PLXNA2: variants seen among roughly 807,000 people sequenced by gnomAD.
The protein encoded by PLXNA2 is plexin A2, also known as plexin-A2.
A neutral mutation model predicts 193.5 loss-of-function variants in PLXNA2; 91 were observed. That is an observed-to-expected ratio of 0.47 (90% CI 0.40 to 0.56). The LOEUF (loss-of-function observed/expected upper bound fraction) is 0.56, where lower values mean the gene tolerates loss of function less well. Among genes scored for constraint, PLXNA2 ranks in the 20% least tolerant of loss-of-function variants. The pLI, the probability that PLXNA2 is intolerant of heterozygous loss-of-function variation, is 0.00. For synonymous variants in PLXNA2, 997 were observed against 1,027.3 expected, an observed-to-expected ratio of 0.97 and a Z score of 0.56; for missense variants, 1,995 against 2,503.2, an observed-to-expected ratio of 0.80 and a Z score of 4.33.
chr1:208,028,894 C>A lies in PLXNA2; in HGVS notation c.5374G>T (p.Asp1792Tyr), dbSNP rs558936902. The A allele has an allele frequency of 1.9e-6, 3 of 1,614,124 alleles. No homozygotes were observed. The South Asian group carries it at 3.3e-5, about 18-fold the overall frequency. The change falls in exon 30 of 32, where the codon GAC (aspartate) becomes TAC (tyrosine). Residue 1792 changes from aspartate (D) to tyrosine (Y), a missense_variant. Transcript: ENST00000367033. The surrounding 1 kb of genome is among the most constrained non-coding windows in gnomAD (Gnocchi z 4.2). The stretch of plus-strand genomic sequence containing the variant: ...TAGAGCAGCTTGTTGGAGGGGGAGT[C>A]CTTGCCCAGCCGGTGCTCTGACGTT... ...CSTSEHRLGK[D>Y]SPSNKLLYAK...
At chr1:208,170,837 T>A (rs1669472889) in intron 3 of PLXNA2, among the ~76,000 whole-genome samples, 1 of 151,930 alleles carries the variant, frequency 6.6e-6, no homozygotes, top group Admixed American at 6.6e-5. Flanking sequence ...AGAAATAAAA[T>A]AAATAAAATA....
intron 3 of PLXNA2, among the ~76,000 whole-genome samples, chr1:208,184,185 C>T (rs765582200): frequency 9.2e-5 from 14 of 151,960 alleles, no homozygotes; most frequent in Admixed American, 6.6e-4. Context: ...GCTAACTGGC[C>T]CAGAGGATAG....
At chr1:208,079,177 A>T in intron 12 of PLXNA2, 83 bp downstream of exon 12, 1 of 1,186,436 alleles carries the variant, frequency 8.4e-7, no homozygotes, top group Non-Finnish European at 1.2e-6. Context: ...TTGTCCACAG[A>T]GTCTCAATTT....
At chr1:208,072,703 A>G (rs2986591) in intron 12 of PLXNA2, among the ~76,000 whole-genome samples, 145,434 of 152,292 alleles carry the variant, frequency 0.95, 69,802 homozygotes, top group East Asian at 1. Context: ...AAGGCAAGAA[A>G]TGACTGCCCC....
rs984609883 is a variant in PLXNA2, at chr1:208,028,683, C to G, written c.5438+147G>C. 2.9e-6 allele frequency: 2 copies of G among 689,070 alleles called. No individual in the cohort carries two copies. Among genetic ancestry groups the G allele is most frequent in the Admixed American group, 2.9e-5 (1 of 34,148 alleles). 42.7% of individuals were successfully genotyped at this position (689,070 alleles called of 1,614,324 possible). On this transcript the variant is annotated intron_variant, in intron 30 of 31. Coordinates refer to ENST00000367033, the MANE Select transcript of PLXNA2 (RefSeq NM_025179.4). The surrounding 1 kb of genome is among the most constrained non-coding windows in gnomAD (Gnocchi z 4.2). ...ACGGGCACAAAGCCACCCTTCCTCC[C>G]GCAGCAGGGGGTGTGGCAGGGAGGG...
chr1:208,148,700 G>A (rs1048848166), intron 3 of PLXNA2, among the ~76,000 whole-genome samples: 2 of 152,194 alleles, frequency 1.3e-5, no homozygotes, highest in Non-Finnish European at 2.9e-5. Context: ...TGGACAATTT[G>A]TCTGGTCTTC....
At chr1:208,177,822 C>G (rs1159244086) in intron 3 of PLXNA2, among the ~76,000 whole-genome samples, 1 of 152,254 alleles carries the variant, frequency 6.6e-6, no homozygotes, top group East Asian at 1.9e-4. Flanking sequence ...GCTAATGAAT[C>G]AGAAACTCTG....
At chr1:208,143,921 C>T (rs1348131928) in intron 3 of PLXNA2, among the ~76,000 whole-genome samples, 3 of 152,198 alleles carry the variant, frequency 2.0e-5, no homozygotes, top group Admixed American at 6.5e-5. Flanking sequence ...GACTAGCATG[C>T]GACTGGGAAC....
chr1:208,068,993 A>G (rs1665889246), intron 12 of PLXNA2, among the ~76,000 whole-genome samples: 1 of 152,184 alleles, frequency 6.6e-6, no homozygotes, highest in South Asian at 2.1e-4. Context: ...AAAACAAGGG[A>G]AACACTTTAG....
At chr1:208,172,911 C>T (rs1669539927) in intron 3 of PLXNA2, among the ~76,000 whole-genome samples, 1 of 152,220 alleles carries the variant, frequency 6.6e-6, no homozygotes, top group Non-Finnish European at 1.5e-5. Flanking sequence ...ATCAGTTCAA[C>T]ATCACAGAAA....
chr1:208,202,199 C>T (rs1280471625), intron 3 of PLXNA2, among the ~76,000 whole-genome samples: 1 of 151,902 alleles, frequency 6.6e-6, no homozygotes, highest in African/African-American at 2.4e-5. Flanking sequence ...AGGCTGGTCT[C>T]GAACTCCTGA....
chr1:208,119,281 C>T (rs767674449), intron 4 of PLXNA2, among the ~76,000 whole-genome samples: 16 of 152,150 alleles, frequency 1.1e-4, no homozygotes, highest in Non-Finnish European at 2.1e-4. Context: ...TTCCCTGATG[C>T]CACTGGCCAG....
At position 208,051,318 on chromosome 1, in the gene PLXNA2, C is replaced by T. The variant is rs768158119; in HGVS notation, c.3099G>A (p.Leu1033=). The T allele has an allele frequency of 2.5e-6, 4 of 1,613,802 alleles. No homozygotes were observed. The highest frequency in any genetic ancestry group is 1.1e-5 in the South Asian group (1 of 90,986). The change falls in exon 16 of 32, where the codon CTG becomes CTA. Residue 1033 remains leucine, a synonymous_variant. Transcript: ENST00000367033. The part of the protein sequence containing the change: ...SVDRAHVDSN[L]QFEYIDDPRV... ...GAGGGTCATCTATGTACTCAAACTG[C>T]AGGTTGCTATCCACATGGGCTCGGT...
chr1:208,034,627 G>T, intron 26 of PLXNA2, 35 bp from the exon 27 acceptor site: 1 of 1,324,030 alleles, frequency 7.6e-7, no homozygotes, highest in South Asian at 1.2e-5. Flanking sequence ...TACAAAAGGT[G>T]AATGTAGGTG....
rs751893998 is a variant in PLXNA2, at chr1:208,168,723, G to GTT, written c.1372-26261_1372-26260insAA. Among the ~76,000 whole-genome samples the GTT allele has an allele frequency of 3.1e-4, 32 of 102,234 alleles. 1 individual carries two copies. Among genetic ancestry groups the GTT allele is most frequent in the East Asian group, 1.6e-3 (4 of 2,486 alleles). The allele number at this position is 102,234 out of a possible 152,430, so 67.1% of individuals were successfully genotyped here. A position where few individuals can be genotyped will look rare whatever the true frequency, so the allele number is the denominator to read the frequency against. Reference sequence around the variant, plus strand: ...CAAAAAGAAGACAAAGAGTATGCGGGGTTTTTTTTTTTTTTTTTTTTTTTT... The same window carrying GTT: ...CAAAAAGAAGACAAAGAGTATGCGGGTTGTTTTTTTTTTTTTTTTTTTTTTTT... On this transcript the variant is annotated intron_variant, in intron 3 of 31. Transcript: ENST00000367033.
intron 3 of PLXNA2, among the ~76,000 whole-genome samples, chr1:208,196,561 T>TG: frequency 6.6e-6 from 1 of 152,256 alleles, no homozygotes; most frequent in South Asian, 2.1e-4. Context: ...TTCATGGAGG[T>TG]GCTGAACACC....
At chr1:208,046,760 A>T (rs1665080992) in intron 17 of PLXNA2, among the ~76,000 whole-genome samples, 1 of 144,014 alleles carries the variant, frequency 6.9e-6, no homozygotes. Context: ...ACAAGGGAGC[A>T]TGGGATGTTT....
intron 4 of PLXNA2, among the ~76,000 whole-genome samples, chr1:208,128,638 C>CCTTT (rs1214522296): frequency 1.3e-5 from 2 of 151,346 alleles, no homozygotes; most frequent in East Asian, 3.9e-4. Flanking sequence ...TCCTTTGTTT[C>CCTTT]CTTTTTCCCC....
intron 4 of PLXNA2, among the ~76,000 whole-genome samples, chr1:208,114,343 C>A (rs1247891073): frequency 4.6e-5 from 7 of 152,174 alleles, no homozygotes; most frequent in Non-Finnish European, 8.8e-5. Flanking sequence ...GTTGATGTTC[C>A]CAGGTCGTCT....
Sources: gnomAD v4.1 joint callset for allele counts (sites outside exome capture counted in the v4.1 genomes callset) on GRCh38, gnomAD v4.1.1 for gene constraint, Gnocchi (gnomAD v3.1) non-coding constraint, MANE v1.5 for transcripts, NCBI Gene and HGNC (gene_info 2026-07-23, HGNC 2026-07-21) for gene names.